The following EPN2 variants were observed in gnomAD, a reference collection of about 807,000 sequenced individuals.
EPN2 encodes epsin-2.
In EPN2, 34 loss-of-function variants were observed where a neutral mutation model predicts 61.7. The ratio of observed to expected loss-of-function variants is 0.55; its 90% CI spans 0.42 to 0.73. The LOEUF (loss-of-function observed/expected upper bound fraction) is 0.73, where lower values mean the gene tolerates loss of function less well. Ranked by LOEUF, EPN2 falls within the 30% of genes least tolerant of loss-of-function variation. The probability of loss-of-function intolerance (pLI) is 0.00; values close to 1 mark genes in which losing one functional copy is unlikely to be tolerated. For synonymous variants in EPN2, 349 were observed against 353.6 expected (o/e 0.99, Z 0.15); for missense variants, 714 against 839.2 (o/e 0.85, Z 1.84).
chr17:19,259,806 T>A (rs2045121197), intron 1 of EPN2, among the ~76,000 whole-genome samples: 1 of 152,212 alleles, frequency 6.6e-6, no homozygotes, highest in Non-Finnish European at 1.5e-5. Flanking sequence ...GACCCCTCGC[T>A]CCTAAATGCC....
At position 19,328,996 on chromosome 17, in the gene EPN2, C is replaced by T; in HGVS notation, c.1324+109C>T. ...CCCTGTTGCTTTGCTTGCATTTGCT[C>T]CCCTCCTCCCCCTTAGCCTTTGTTC... On this transcript the variant is annotated intron_variant, in intron 8 of 10. Coordinates refer to ENST00000314728, the MANE Select transcript of EPN2 (RefSeq NM_014964.5). The T allele has an allele frequency of 7.4e-6, 7 of 951,404 alleles. No homozygotes were observed. In the East Asian group the frequency reaches 1.3e-4, roughly 18 times the overall value. 58.9% of individuals were successfully genotyped at this position (951,404 alleles called of 1,614,324 possible).
At chr17:19,242,204 AGGTGGGC>A (rs1302536459) in intron 1 of EPN2, among the ~76,000 whole-genome samples, 1 of 151,086 alleles carries the variant, frequency 6.6e-6, no homozygotes, top group Non-Finnish European at 1.5e-5. Flanking sequence ...TGGGAGGCTG[AGGTGGGC>A]GGATCACTTG....
At chr17:19,319,025 C>G (rs575581121) in intron 7 of EPN2, among the ~76,000 whole-genome samples, 7 of 151,858 alleles carry the variant, frequency 4.6e-5, no homozygotes, top group African/African-American at 1.7e-4. Context: ...GGTGAAACCC[C>G]GTCTCTACTA....
At chr17:19,314,677 C>T (rs1448996497) in intron 7 of EPN2, among the ~76,000 whole-genome samples, 1 of 152,212 alleles carries the variant, frequency 6.6e-6, no homozygotes, top group African/African-American at 2.4e-5. Context: ...CCCTCTGGGC[C>T]TTGGGAAAAG....
chr17:19,283,478 G>T lies in EPN2; in HGVS notation c.359G>T (p.Gly120Val), dbSNP rs772783424. ...ATTGACCGAGATGGCAAGGACCAGGGCATCAATGTGCGTGAGAAGTCAAAG... is the reference window on the plus strand; with the variant it reads ...ATTGACCGAGATGGCAAGGACCAGGTCATCAATGTGCGTGAGAAGTCAAAG... ...QYIDRDGKDQ[G>V]INVREKSKQL... is the part of the protein sequence containing the mutation. The change falls in exon 3 of 11, where the codon GGC becomes GTC. Residue 120 changes from glycine to valine, a missense_variant. Gly to Val is a moderately radical substitution (Grantham distance 109). Coordinates refer to ENST00000314728, the MANE Select transcript of EPN2 (RefSeq NM_014964.5). The surrounding 1 kb of genome is among the most constrained non-coding windows in gnomAD (Gnocchi z 7.0). 6.2e-7 allele frequency: 1 copy of T among 1,614,228 alleles called. No homozygotes were observed. The highest frequency in any genetic ancestry group is 8.5e-7 in the Non-Finnish European group (1 of 1,180,042).
chr17:19,268,926 T>C (rs1427386092), intron 1 of EPN2, among the ~76,000 whole-genome samples: 1 of 152,196 alleles, frequency 6.6e-6, no homozygotes, highest in Admixed American at 6.5e-5. Flanking sequence ...AATTATGTTC[T>C]TTTTTAAAAA....
chr17:19,289,731 T>G (rs958632457), intron 4 of EPN2, among the ~76,000 whole-genome samples: 2 of 131,216 alleles, frequency 1.5e-5, no homozygotes, highest in African/African-American at 5.6e-5. Context: ...ATGGTTTTTT[T>G]TTTTTTTTTT....
chr17:19,259,356 AGGCTGGAGTGCAGTGGCACGATCTC>A (rs1186758339), intron 1 of EPN2, among the ~76,000 whole-genome samples: 1 of 121,938 alleles, frequency 8.2e-6, no homozygotes, highest in Non-Finnish European at 1.6e-5. Context: ...TCTGTCACCC[AGGCTGGAGTGCAGTGGCACGATCTC>A]GGCTCACTGC....
intron 4 of EPN2, chr17:19,307,900 T>G: frequency 1.0e-6 from 1 of 985,334 alleles, no homozygotes; most frequent in Non-Finnish European, 1.2e-6. Context: ...TCTGAAAGCC[T>G]CCTTTGTCAG....
chr17:19,264,881 C>T (rs1239271475), intron 1 of EPN2, among the ~76,000 whole-genome samples: 3 of 151,864 alleles, frequency 2.0e-5, no homozygotes, highest in Non-Finnish European at 2.9e-5. Context: ...GTCCAGAGGT[C>T]GTGGGAGGAA....
chr17:19,260,674 G>A (rs1200894232), intron 1 of EPN2, among the ~76,000 whole-genome samples: 2 of 150,784 alleles, frequency 1.3e-5, no homozygotes, highest in Admixed American at 6.6e-5. Flanking sequence ...ATACAGTCAC[G>A]TTTCTAAAAT....
chr17:19,322,837 T>G (rs1216972027), intron 7 of EPN2, among the ~76,000 whole-genome samples: 1 of 152,024 alleles, frequency 6.6e-6, no homozygotes, highest in Non-Finnish European at 1.5e-5. Flanking sequence ...TGAAGCTACA[T>G]GTAGGATGCC....
intron 1 of EPN2, among the ~76,000 whole-genome samples, chr17:19,256,457 T>C (rs1250289906): frequency 6.6e-6 from 1 of 151,126 alleles, no homozygotes; most frequent in Non-Finnish European, 1.5e-5. Flanking sequence ...CTTAACAATT[T>C]GGATGTGTGG....
At position 19,321,516 on chromosome 17, in the gene EPN2, G is replaced by A. The variant is rs947792524; in HGVS notation, c.1148-7195G>A. On this transcript the variant is annotated intron_variant, in intron 7 of 10. Transcript: ENST00000314728. ...GGATCTGTCCCTTTTGAGACTGACTGGAAGTGGGTGAGGGGAGAATTCTTC... is the reference window on the plus strand; with the variant it reads ...GGATCTGTCCCTTTTGAGACTGACTAGAAGTGGGTGAGGGGAGAATTCTTC... Among the ~76,000 whole-genome samples the A allele has an allele frequency of 7.9e-5, 12 of 152,176 alleles. No homozygotes were observed. In the South Asian group the frequency reaches 8.3e-4, roughly 11 times the overall value.
chr17:19,291,090 A>G lies in EPN2; in HGVS notation c.766+5300A>G, dbSNP rs553603384. ...TGAGTTGGCTTATAAAACACATGCA[A>G]TGCCACAGGATTCAATAGATACCAG... On this transcript the variant is annotated intron_variant, in intron 4 of 10. Transcript: ENST00000314728. Among the ~76,000 whole-genome samples the G allele has an allele frequency of 1.2e-4, 19 of 152,372 alleles. No homozygotes were observed. In the East Asian group the frequency reaches 1.7e-3, roughly 14 times the overall value.
chr17:19,324,405 C>T (rs993889201), intron 7 of EPN2, among the ~76,000 whole-genome samples: 2 of 152,218 alleles, frequency 1.3e-5, no homozygotes, highest in African/African-American at 2.4e-5. Flanking sequence ...GTGATCTCAG[C>T]TCACTGTAAC....
In EPN2 at chr17:19,313,278, T is replaced by C; in HGVS notation, c.1146T>C (p.Phe382=). 2.0e-6 allele frequency: 3 copies of C among 1,533,430 alleles called. No homozygotes were observed. The highest frequency in any genetic ancestry group is 2.6e-6 in the Non-Finnish European group (3 of 1,144,386). The allele number at this position is 1,533,430 out of a possible 1,614,324, so 95.0% of individuals were successfully genotyped here. ...PASTSDPWPS[F]GTKPAASIDP... is the part of the protein sequence containing the mutation. ...GTACTTCAGACCCCTGGCCATCGTT[T>C]GGTAAAGACCCCATTACTGGTCTCC... The change falls in exon 7 of 11, where the codon TTT becomes TTC. Residue 382 remains phenylalanine (F), a splice_region_variant and synonymous_variant. Coordinates refer to ENST00000314728, the MANE Select transcript of EPN2 (RefSeq NM_014964.5).
intron 4 of EPN2, among the ~76,000 whole-genome samples, chr17:19,304,965 G>T (rs771620403): frequency 6.6e-6 from 1 of 152,140 alleles, no homozygotes; most frequent in Non-Finnish European, 1.5e-5. Flanking sequence ...GCCACACCAG[G>T]CCCAGGGACA....
chr17:19,317,104 C>T (rs1318485492), intron 7 of EPN2, among the ~76,000 whole-genome samples: 1 of 152,238 alleles, frequency 6.6e-6, no homozygotes, highest in Non-Finnish European at 1.5e-5. Flanking sequence ...GAGTCCCTTC[C>T]CCTAACAGTG....
Sources: allele counts gnomAD v4.1 joint callset (sites outside exome capture counted in the v4.1 genomes callset), GRCh38; gene constraint gnomAD v4.1.1; non-coding constraint Gnocchi (gnomAD v3.1); transcripts MANE v1.5; gene names NCBI Gene and HGNC (gene_info 2026-07-23, HGNC 2026-07-21).